The following MEIS1 variants were observed in gnomAD, a reference collection of about 807,000 sequenced individuals.
MEIS1 encodes Meis homeobox 1, also known as homeobox protein Meis1.
Under a neutral mutation model 50.8 loss-of-function variants are expected in MEIS1, and 5 were observed. The ratio of observed to expected loss-of-function variants is 0.10; its 90% confidence interval spans 0.05 to 0.21. The LOEUF (loss-of-function observed/expected upper bound fraction) is 0.21, where lower values mean the gene tolerates loss of function less well. MEIS1 is among the 10% of genes least tolerant of loss of function. The pLI, the probability that MEIS1 is intolerant of heterozygous loss-of-function variation, is 1.00. For missense variants in MEIS1, 318 were observed against 517.3 expected (o/e 0.61, Z 3.74); for synonymous variants, 176 against 179.3 (o/e 0.98, Z 0.15).
intron 7 of MEIS1, among the ~76,000 whole-genome samples, chr2:66,492,350 G>A (rs1673294143): frequency 6.6e-6 from 1 of 152,044 alleles, no homozygotes; most frequent in African/African-American, 2.4e-5. Flanking sequence ...TGTGAGTACA[G>A]GATTCAAACC....
At chr2:66,512,347 T>C (rs1673850883) in intron 8 of MEIS1, 53 bp downstream of exon 8, 15 of 1,532,684 alleles carry the variant, frequency 9.8e-6, no homozygotes, top group Non-Finnish European at 1.3e-5. Flanking sequence ...ATGAACCAGT[T>C]TTTATACAAA....
intron 7 of MEIS1, among the ~76,000 whole-genome samples, chr2:66,475,012 G>C (rs923153439): frequency 1.3e-4 from 19 of 151,686 alleles, no homozygotes; most frequent in African/African-American, 4.4e-4. Flanking sequence ...GTTGTAGTTT[G>C]ACTCTTTCCT....
intron 7 of MEIS1, among the ~76,000 whole-genome samples, chr2:66,489,184 G>C (rs1673211006): frequency 1.3e-5 from 2 of 152,280 alleles, no homozygotes; most frequent in South Asian, 4.2e-4. Flanking sequence ...CTCTGAAAGT[G>C]CACACTTAAT....
intron 6 of MEIS1, among the ~76,000 whole-genome samples, chr2:66,459,266 G>C (rs1432408760): frequency 2.0e-5 from 3 of 152,172 alleles, no homozygotes; most frequent in Non-Finnish European, 4.4e-5. Context: ...TGGGCCTGGA[G>C]CAATAAGCAG....
In MEIS1 at chr2:66,441,100, G is replaced by T. The variant is rs944980263; in HGVS notation, c.433-314G>T. The T allele has an allele frequency of 1.1e-4, 42 of 387,204 alleles. No homozygotes were observed. In the East Asian group the frequency reaches 1.9e-3, roughly 17 times the overall value. The allele number at this position is 387,204 out of a possible 1,614,324, so 24.0% of individuals were successfully genotyped here. A position where few individuals can be genotyped will look rare whatever the true frequency, so the allele number is the denominator to read the frequency against. ...CTGTCCACTCCTTCCAAGGACACAT[G>T]TAGTCCAGTGTTGTGGCCCTTTTGG... On this transcript the variant is annotated intron_variant, in intron 4 of 12. Coordinates refer to ENST00000272369, the MANE Select transcript of MEIS1 (RefSeq NM_002398.3).
intron 8 of MEIS1, among the ~76,000 whole-genome samples, chr2:66,517,751 T>C (rs1674004882): frequency 6.6e-6 from 1 of 152,184 alleles, no homozygotes; most frequent in Admixed American, 6.5e-5. Context: ...TGGAATGCTC[T>C]AATTTTTCTG....
chr2:66,444,595 C>T (rs1016985117), intron 6 of MEIS1, among the ~76,000 whole-genome samples: 6 of 152,352 alleles, frequency 3.9e-5, no homozygotes, highest in African/African-American at 1.4e-4. Context: ...GAACACGCAG[C>T]GTGCGCAATC....
intron 7 of MEIS1, among the ~76,000 whole-genome samples, chr2:66,494,367 G>C (rs1019119769): frequency 6.6e-6 from 1 of 152,148 alleles, no homozygotes; most frequent in Non-Finnish European, 1.5e-5. Flanking sequence ...AGAAACGAAA[G>C]CTGTAAAGGC....
intron 6 of MEIS1, among the ~76,000 whole-genome samples, chr2:66,448,824 G>A (rs1264796944): frequency 6.6e-6 from 1 of 152,122 alleles, no homozygotes; most frequent in Non-Finnish European, 1.5e-5. Flanking sequence ...CTTCCTGTAA[G>A]AAGGTCTATA....
At chr2:66,489,622 T>TTG (rs1673227018) in intron 7 of MEIS1, among the ~76,000 whole-genome samples, 1 of 152,222 alleles carries the variant, frequency 6.6e-6, no homozygotes, top group South Asian at 2.1e-4. Context: ...TGCAAAAGCA[T>TTG]TGTGCTAATT....
chr2:66,437,589 GA>G (rs1417834452), intron 1 of MEIS1, 147 bp from the exon 2 acceptor site: 3 of 669,848 alleles, frequency 4.5e-6, no homozygotes, highest in Middle Eastern at 4.0e-4. Context: ...TTTAAAATAA[GA>G]AAAACTCAGC....
chr2:66,443,204 A>G (rs1252343978), intron 6 of MEIS1, 156 bp downstream of exon 6: 17 of 816,028 alleles, frequency 2.1e-5, no homozygotes, highest in Admixed American at 4.0e-5. Context: ...TAATGTGGCT[A>G]TTATTGCTTC....
intron 8 of MEIS1, among the ~76,000 whole-genome samples, chr2:66,515,046 C>T (rs540675662): frequency 6.6e-4 from 100 of 152,214 alleles, no homozygotes; most frequent in African/African-American, 2.4e-3. Flanking sequence ...TTCAGGGATG[C>T]ACAATTCATT....
intron 9 of MEIS1, among the ~76,000 whole-genome samples, chr2:66,566,074 C>T (rs1359355868): frequency 6.6e-6 from 1 of 152,058 alleles, no homozygotes; most frequent in Non-Finnish European, 1.5e-5. Flanking sequence ...TTGTTGTAGA[C>T]CTGTGTTTTA....
chr2:66,493,122 C>T (rs1229234644), intron 7 of MEIS1, among the ~76,000 whole-genome samples: 2 of 152,288 alleles, frequency 1.3e-5, no homozygotes, highest in East Asian at 1.9e-4. Context: ...ACTTTAAATT[C>T]TATAACACTA....
intron 12 of MEIS1, 111 bp downstream of exon 12, chr2:66,569,256 T>A: frequency 1.1e-6 from 1 of 893,012 alleles, no homozygotes; most frequent in Non-Finnish European, 1.7e-6. Context: ...TCCTTTCCAT[T>A]AAACTCCTGG....
rs1055453888 is a variant in MEIS1, at chr2:66,571,378, C to T, written c.*170C>T. 13 of 1,602,938 alleles carry T rather than the reference C, an allele frequency of 8.1e-6. No individual in the cohort carries two copies. Among genetic ancestry groups the T allele is most frequent in the African/African-American group, 8.0e-5 (6 of 74,636 alleles). On this transcript the variant is annotated 3_prime_UTR_variant, in exon 13 of 13. Transcript: ENST00000272369. ...CTGCGTCATGGGCCCCCCATGCATACGTACATTCCTGGACACCCTCACCAC... is the reference window on the plus strand; with the variant it reads ...CTGCGTCATGGGCCCCCCATGCATATGTACATTCCTGGACACCCTCACCAC...
rs527831479 is a variant in MEIS1 at position 66,501,068 on chromosome 2, G to A, written c.743-11081G>A. 7.2e-5 allele frequency among the ~76,000 whole-genome samples: 11 copies of A among 152,210 alleles called. No individual in the cohort carries two copies. In the South Asian group the frequency reaches 2.3e-3, roughly 32 times the overall value. ...TAAAATGATCTATTTTTGTGGTTAT[G>A]TAGGAGTTTATGACCATTCATTAAT... On this transcript the variant is annotated intron_variant, in intron 7 of 12. Transcript: ENST00000272369.
At chr2:66,468,428 G>C (rs1344901041) in intron 7 of MEIS1, among the ~76,000 whole-genome samples, 1 of 152,154 alleles carries the variant, frequency 6.6e-6, no homozygotes, top group Non-Finnish European at 1.5e-5. Context: ...AAAGTTAAGA[G>C]AGCTAAATAA....
Sources: allele counts gnomAD v4.1 joint callset (sites outside exome capture counted in the v4.1 genomes callset), GRCh38; gene constraint gnomAD v4.1.1; transcripts MANE v1.5; gene names NCBI Gene and HGNC (gene_info 2026-07-23, HGNC 2026-07-21).